Variants in KLHL32 observed in about 807,000 individuals in gnomAD.
The protein encoded by KLHL32 is kelch like family member 32, also known as kelch-like protein 32.
Under a neutral mutation model 64.8 loss-of-function variants are expected in KLHL32, and 35 were observed. The observed-to-expected ratio is 0.54, with a 90% CI of 0.41 to 0.72. The LOEUF (loss-of-function observed/expected upper bound fraction) is 0.72. Ranked by LOEUF, KLHL32 falls within the 30% of genes least tolerant of loss-of-function variation. KLHL32 has a pLI of 0.00. For missense variants in KLHL32, 589 were observed against 768.5 expected, an observed-to-expected ratio of 0.77 and a Z score of 2.76; for synonymous variants, 259 against 281.0, an observed-to-expected ratio of 0.92 and a Z score of 0.78.
chr6:97,102,772 C>T (rs1210418203), intron 6 of KLHL32, among the ~76,000 whole-genome samples: 2 of 151,864 alleles, frequency 1.3e-5, no homozygotes, highest in Non-Finnish European at 2.9e-5. Context: ...TTTTATTGTC[C>T]TGTAGGACAT....
intron 1 of KLHL32, among the ~76,000 whole-genome samples, chr6:96,935,994 C>A (rs1296088261): frequency 6.6e-6 from 1 of 152,110 alleles, no homozygotes; most frequent in Non-Finnish European, 1.5e-5. Flanking sequence ...ATTACTGTAT[C>A]CCAACATTGA....
intron 3 of KLHL32, among the ~76,000 whole-genome samples, chr6:97,016,891 C>CCTATCCCCTTCACTCTCTT (rs1781280164): frequency 6.6e-6 from 1 of 152,030 alleles, no homozygotes; most frequent in Non-Finnish European, 1.5e-5. Flanking sequence ...TATAAGAGGC[C>CCTATCCCCTTCACTCTCTT]CTATCCCCTT....
intron 4 of KLHL32, among the ~76,000 whole-genome samples, chr6:97,058,714 TCTC>T (rs1216359735): frequency 6.6e-6 from 1 of 152,188 alleles, no homozygotes; most frequent in African/African-American, 2.4e-5. Context: ...TTCTTTGACC[TCTC>T]CTTTCTTTCT....
intron 1 of KLHL32, among the ~76,000 whole-genome samples, chr6:96,946,357 C>T (rs557547073): frequency 6.6e-6 from 1 of 152,066 alleles, no homozygotes; most frequent in African/African-American, 2.4e-5. Flanking sequence ...CGTGGCACAC[C>T]ATATCACTTA....
At chr6:97,010,413 C>CAAATATTTTTTAAAACATTGTAATGTA (rs1780252243) in intron 3 of KLHL32, 6 of 152,162 alleles carry the variant, frequency 3.9e-5, no homozygotes, top group Non-Finnish European at 5.9e-5. Context: ...CTGGACTTTG[C>CAAATATTTTTTAAAACATTGTAATGTA]AGATAATAAG....
chr6:97,138,591 A>G (rs1800330071), intron 10 of KLHL32, among the ~76,000 whole-genome samples: 1 of 152,086 alleles, frequency 6.6e-6, no homozygotes, highest in Non-Finnish European at 1.5e-5. Flanking sequence ...CAAACAAAAA[A>G]ACTCCAGCAT....
intron 6 of KLHL32, among the ~76,000 whole-genome samples, chr6:97,100,966 C>CTGTTTTTTTTT (rs1795639837): frequency 1.4e-5 from 1 of 69,472 alleles, no homozygotes; most frequent in Admixed American, 1.7e-4. Flanking sequence ...TGCAGCCAAG[C>CTGTTTTTTTTT]TTTTTTTTTT....
At chr6:97,108,302 G>A (rs966211226) in intron 6 of KLHL32, among the ~76,000 whole-genome samples, 11 of 152,130 alleles carry the variant, frequency 7.2e-5, no homozygotes, top group Admixed American at 3.9e-4. Context: ...CTTACCCTGA[G>A]TTGTGCTTTC....
chr6:97,127,970 A>G (rs567992618), intron 8 of KLHL32, among the ~76,000 whole-genome samples: 1 of 152,272 alleles, frequency 6.6e-6, no homozygotes, highest in Admixed American at 6.5e-5. Context: ...TCTACATTTC[A>G]TGTACACCCA....
chr6:97,024,578 A>G (rs1782461301), intron 3 of KLHL32, among the ~76,000 whole-genome samples: 1 of 152,158 alleles, frequency 6.6e-6, no homozygotes. Flanking sequence ...AGCCATCATC[A>G]TATTCTTCTT....
intron 1 of KLHL32, among the ~76,000 whole-genome samples, chr6:96,926,886 T>C (rs1365406817): frequency 7.2e-5 from 11 of 152,314 alleles, no homozygotes; most frequent in South Asian, 2.1e-4. Flanking sequence ...ATCTGGGTCA[T>C]ATCTAGCCTG....
chr6:97,035,553 C>T (rs1015305525), intron 3 of KLHL32, among the ~76,000 whole-genome samples: 2 of 151,964 alleles, frequency 1.3e-5, no homozygotes, highest in Non-Finnish European at 2.9e-5. Flanking sequence ...TTTTGTTTCC[C>T]TGGGAAAGAC....
At chr6:97,003,890 T>C (rs1023720377) in intron 3 of KLHL32, among the ~76,000 whole-genome samples, 5 of 152,200 alleles carry the variant, frequency 3.3e-5, no homozygotes, top group African/African-American at 1.2e-4. Flanking sequence ...TTGGTTACTG[T>C]AGTCTGGTAG....
intron 3 of KLHL32, among the ~76,000 whole-genome samples, chr6:97,005,036 GA>G (rs1390226803): frequency 6.6e-6 from 1 of 151,968 alleles, no homozygotes. Context: ...CAATGTTTTT[GA>G]ATAGTTTTAG....
chr6:96,993,886 G>A lies in KLHL32; in HGVS notation c.204+17709G>A, dbSNP rs750478777. Among the ~76,000 whole-genome samples the A allele has an allele frequency of 7.9e-5, 12 of 152,074 alleles. No individual in the cohort carries two copies. The South Asian group carries it at 1.9e-3, about 24-fold the overall frequency. On this transcript the variant is annotated intron_variant, in intron 3 of 10. Coordinates refer to ENST00000369261, the MANE Select transcript of KLHL32 (RefSeq NM_052904.4). ...AGAATATCATTGAGGTTAGGGAACC[G>A]GAGTCTTTTATAATGAGTAGCAAAC...
At chr6:97,006,320 A>G (rs1385317557) in intron 3 of KLHL32, among the ~76,000 whole-genome samples, 1 of 152,140 alleles carries the variant, frequency 6.6e-6, no homozygotes, top group Non-Finnish European at 1.5e-5. Context: ...GCCTGATACT[A>G]GAATAGAAAG....
At chr6:97,012,118 A>C (rs963605156) in intron 3 of KLHL32, among the ~76,000 whole-genome samples, 1 of 152,168 alleles carries the variant, frequency 6.6e-6, no homozygotes, top group Admixed American at 6.5e-5. Context: ...GCTGTGTGGA[A>C]CTGAGTACTC....
chr6:96,968,442 C>A (rs1269229354), intron 2 of KLHL32, among the ~76,000 whole-genome samples: 1 of 152,072 alleles, frequency 6.6e-6, no homozygotes, highest in African/African-American at 2.4e-5. Flanking sequence ...GGCTGAGAAA[C>A]CCTGCTCTAG....
the KLHL32 span, among the ~76,000 whole-genome samples, chr6:96,903,666 G>A: frequency 6.6e-6 from 1 of 152,136 alleles, no homozygotes; most frequent in East Asian, 1.9e-4. Flanking sequence ...AAGTAAGCCT[G>A]GAAGAGTACC....
Sources: gnomAD v4.1 joint callset for allele counts (sites outside exome capture counted in the v4.1 genomes callset) on GRCh38, gnomAD v4.1.1 for gene constraint, MANE v1.5 for transcripts, NCBI Gene and HGNC (gene_info 2026-07-23, HGNC 2026-07-21) for gene names.